The following DENND6A variants were observed in gnomAD, a reference collection of about 807,000 sequenced individuals.
The protein encoded by DENND6A is DENN domain containing 6A.
A neutral mutation model predicts 95.5 loss-of-function variants in DENND6A; 43 were observed. The observed-to-expected ratio is 0.45, with a 90% confidence interval of 0.35 to 0.58. The LOEUF is 0.58. Among genes scored for constraint, DENND6A ranks in the 20% least tolerant of loss-of-function variants. The pLI is 0.00. For synonymous variants in DENND6A, 257 were observed against 260.4 expected (o/e 0.99, Z 0.13); for missense variants, 574 against 736.0 (o/e 0.78, Z 2.55).
chr3:57,677,419 CTTTTTTTTTTTTTT>C (rs71088101), intron 1 of DENND6A, among the ~76,000 whole-genome samples: 1 of 68,708 alleles, frequency 1.5e-5, no homozygotes, highest in African/African-American at 6.0e-5. Context: ...CTTTGTTGTC[CTTTTTTTTTTTTTT>C]TTTTTTTTTT....
At chr3:57,647,321 G>A (rs904484468) in intron 9 of DENND6A, among the ~76,000 whole-genome samples, 12 of 152,114 alleles carry the variant, frequency 7.9e-5, no homozygotes, top group African/African-American at 2.7e-4. Context: ...CAGCTCATGG[G>A]TAAGGCAAAG....
intron 3 of DENND6A, 104 bp from the exon 4 acceptor site, chr3:57,666,339 C>A: frequency 1.1e-6 from 1 of 908,414 alleles, no homozygotes. Flanking sequence ...CATTTTAACC[C>A]ATTCTGTCAT....
chr3:57,641,927 G>A (rs143433024), intron 11 of DENND6A, among the ~76,000 whole-genome samples, 180 bp from the exon 12 acceptor site: 2 of 152,022 alleles, frequency 1.3e-5, no homozygotes, highest in Admixed American at 6.6e-5. Flanking sequence ...ATAAAAAGAC[G>A]AAAGGACACG....
intron 1 of DENND6A, among the ~76,000 whole-genome samples, chr3:57,676,077 A>T (rs1402032864): frequency 6.7e-6 from 1 of 148,346 alleles, no homozygotes. Context: ...TCTCTCTCTC[A>T]AAAAAAAAAG....
At position 57,667,668 on chromosome 3, in the gene DENND6A, C is replaced by T. The variant is rs569824237; in HGVS notation, c.320-1433G>A. Among the ~76,000 whole-genome samples, 29 of 152,284 alleles carry T rather than the reference C, an allele frequency of 1.9e-4. No individual in the cohort carries two copies. The South Asian group carries it at 5.4e-3, about 28-fold the overall frequency. On this transcript the variant is annotated intron_variant, in intron 3 of 19. Transcript: ENST00000311128. ...TCTCACAATTTATTCCATAGACTGA[C>T]GCCAGTCCATAAACTCTTGTTACTG...
At chr3:57,681,328 G>A (rs1404735010) in intron 1 of DENND6A, among the ~76,000 whole-genome samples, 2 of 152,102 alleles carry the variant, frequency 1.3e-5, no homozygotes, top group African/African-American at 2.4e-5. Context: ...GCCAGGCGTG[G>A]TGGCGGGCAC....
chr3:57,635,316 G>C (rs2070768590), intron 12 of DENND6A, among the ~76,000 whole-genome samples: 2 of 152,132 alleles, frequency 1.3e-5, no homozygotes, highest in Admixed American at 6.6e-5. Context: ...CCACAGGTCT[G>C]AGCCACAGAT....
intron 1 of DENND6A, among the ~76,000 whole-genome samples, chr3:57,683,817 G>A (rs1172778841): frequency 6.6e-6 from 1 of 152,096 alleles, no homozygotes; most frequent in East Asian, 1.9e-4. Flanking sequence ...TCAAATCCTG[G>A]CTTATTAAGC....
intron 12 of DENND6A, 31 bp downstream of exon 12, chr3:57,641,622 C>G (rs747697284): frequency 6.3e-7 from 1 of 1,582,664 alleles, no homozygotes; most frequent in Non-Finnish European, 8.6e-7. Flanking sequence ...ACACTGCACA[C>G]TAGAAACAGA....
chr3:57,663,761 A>G (rs1486806596), intron 4 of DENND6A, 45 bp from the exon 5 acceptor site: 18 of 1,159,170 alleles, frequency 1.6e-5, no homozygotes, highest in Non-Finnish European at 2.2e-5. Context: ...GGGTACATAT[A>G]TATGTATCTA....
At chr3:57,673,794 G>C (rs2071660749) in intron 1 of DENND6A, among the ~76,000 whole-genome samples, 1 of 152,026 alleles carries the variant, frequency 6.6e-6, no homozygotes. Context: ...GCCCAGGCTT[G>C]AGTGCAATGG....
chr3:57,631,819 T>A (rs1365153019), intron 15 of DENND6A, among the ~76,000 whole-genome samples: 3 of 145,318 alleles, frequency 2.1e-5, no homozygotes, highest in Non-Finnish European at 4.5e-5. Context: ...GCCTCTTGGG[T>A]TCATGCCATT....
rs2070652103 is a variant in DENND6A, at chr3:57,630,787, A to C, written c.1445T>G (p.Phe482Cys). ...TCCTGTTTTCTCAAGTGTTTTCATA[A>C]ATTCTTCTGGAAGAAACTGTCTTAA... ...PQLRQFLPEE[F>C]MKTLEKTGPQ... is the part of the protein sequence containing the mutation. Residue 482 changes from phenylalanine to cysteine, a missense_variant, in exon 17 of 20, where the codon TTT (phenylalanine) becomes TGT (cysteine). Transcript: ENST00000311128. 1.9e-6 allele frequency: 3 copies of C among 1,613,962 alleles called. No homozygotes were observed. The highest frequency in any genetic ancestry group is 2.5e-6 in the Non-Finnish European group (3 of 1,180,004).
In DENND6A at chr3:57,646,250, C is replaced by A; in HGVS notation, c.941+66G>T. ...GACAGGTGGGAAGTGCTGCAAATAT[C>A]ACCAACAGGTTAAGTACTGCAGCAT... On this transcript the variant is annotated intron_variant, in intron 10 of 19. Transcript: ENST00000311128. The A allele has an allele frequency of 3.2e-6, 5 of 1,544,478 alleles. No homozygotes were observed. In the South Asian group the frequency reaches 4.9e-5, roughly 15 times the overall value.
rs150760424 is a variant in DENND6A, at chr3:57,682,837, G to C, written c.237+9945C>G. On this transcript the variant is annotated intron_variant, in intron 1 of 19. Transcript: ENST00000311128. Reference sequence around the variant, plus strand: ...ATTACAGGTGTGCAACATCCCGCCCGGCTAATTTTTTTGTATTTTCAGTAG... The same window carrying C: ...ATTACAGGTGTGCAACATCCCGCCCCGCTAATTTTTTTGTATTTTCAGTAG... Among the ~76,000 whole-genome samples the C allele has an allele frequency of 2.8e-4, 42 of 152,130 alleles. No individual in the cohort carries two copies. The East Asian group carries it at 6.2e-3, about 22-fold the overall frequency.
chr3:57,645,651 T>C lies in DENND6A; in HGVS notation c.1037+10A>G. On this transcript the variant is annotated intron_variant, in intron 11 of 19. Coordinates refer to ENST00000311128, the MANE Select transcript of DENND6A (RefSeq NM_152678.3). ...GTAATACCTGGTCAATAGAAGTTAT[T>C]TTTACTTACGGAGCTTGGGTACGGG... 5 of 1,597,240 alleles carry C rather than the reference T, an allele frequency of 3.1e-6. No individual in the cohort carries two copies. The South Asian group carries it at 5.6e-5, about 18-fold the overall frequency.
At chr3:57,683,196 G>A (rs887836177) in intron 1 of DENND6A, among the ~76,000 whole-genome samples, 3 of 152,046 alleles carry the variant, frequency 2.0e-5, no homozygotes, top group African/African-American at 7.2e-5. Flanking sequence ...GACGCTTAAG[G>A]TTAGGTAGGA....
At chr3:57,672,518 C>A in intron 1 of DENND6A, 80 bp from the exon 2 acceptor site, 1 of 1,432,782 alleles carries the variant, frequency 7.0e-7, no homozygotes, top group East Asian at 2.5e-5. Flanking sequence ...CACGGTGGCT[C>A]ACGCTGGTAA....
intron 14 of DENND6A, 129 bp from the exon 15 acceptor site, chr3:57,633,483 G>C: frequency 1.3e-6 from 1 of 753,580 alleles, no homozygotes. Flanking sequence ...ACTTCACCTT[G>C]AAGTAATTTA....
Sources: allele counts gnomAD v4.1 joint callset (sites outside exome capture counted in the v4.1 genomes callset), GRCh38; gene constraint gnomAD v4.1.1; transcripts MANE v1.5; gene names NCBI Gene and HGNC (gene_info 2026-07-23, HGNC 2026-07-21).